Variants in ZNF469 observed in about 807,000 individuals in gnomAD.
ZNF469 encodes zinc finger protein 469.
Under a neutral mutation model 1.0 loss-of-function variants are expected in ZNF469, and 1 was observed. That is an observed-to-expected ratio of 1.00 (90% CI 0.35 to 4.73). The LOEUF (loss-of-function observed/expected upper bound fraction) is 4.73, where lower values mean the gene tolerates loss of function less well. ZNF469 is among the 30% of genes most tolerant of loss of function. The probability of loss-of-function intolerance (pLI) is 0.16; values close to 1 mark genes in which losing one functional copy is unlikely to be tolerated. For synonymous variants in ZNF469, 2,703 were observed against 2,363.4 expected (o/e 1.14, Z -4.17); for missense variants, 6,100 against 5,356.3 (o/e 1.14, Z -4.33).
the ZNF469 span, among the ~76,000 whole-genome samples, chr16:88,376,687 A>G: frequency 6.6e-6 from 1 of 152,224 alleles, no homozygotes; most frequent in Non-Finnish European, 1.5e-5. Context: ...GCAGCTGCCC[A>G]CGGCCCCAGC....
the ZNF469 span, among the ~76,000 whole-genome samples, chr16:88,212,632 G>T: frequency 6.6e-6 from 1 of 152,110 alleles, no homozygotes; most frequent in Non-Finnish European, 1.5e-5. Context: ...CCAGGCTGGA[G>T]TGAGGTGGTG....
chr16:88,363,004 A>G, the ZNF469 span, among the ~76,000 whole-genome samples: 2 of 152,210 alleles, frequency 1.3e-5, no homozygotes, highest in South Asian at 4.2e-4. Context: ...CCATCCAGGA[A>G]ATTTCTCATT....
chr16:88,288,078 C>G, the ZNF469 span, among the ~76,000 whole-genome samples: 1 of 152,104 alleles, frequency 6.6e-6, no homozygotes, highest in African/African-American at 2.4e-5. Flanking sequence ...GTGGAGAAAC[C>G]TTTTTCCTCC....
chr16:88,363,222 C>T, the ZNF469 span, among the ~76,000 whole-genome samples: 8 of 152,192 alleles, frequency 5.3e-5, no homozygotes, highest in Non-Finnish European at 7.3e-5. Context: ...TGTCTTTGCA[C>T]TTGAGAAAGT....
the ZNF469 span, among the ~76,000 whole-genome samples, chr16:88,211,996 A>G: frequency 6.6e-6 from 1 of 152,170 alleles, no homozygotes; most frequent in Non-Finnish European, 1.5e-5. Flanking sequence ...TATTTGTGGA[A>G]CAGCTGGTCT....
Position 88,436,687 on chromosome 16 carries a change from C to T in ZNF469, c.9217C>T (p.Pro3073Ser), listed in dbSNP as rs1265831949. The T allele has an allele frequency of 6.5e-7, 1 of 1,550,152 alleles. No homozygotes were observed. Among genetic ancestry groups the T allele is most frequent in the East Asian group, 2.4e-5 (1 of 40,922 alleles). The change falls in exon 3 of 3, where the codon CCC (proline) becomes TCC (serine). Residue 3073 changes from proline (P) to serine (S), a missense_variant. By Grantham distance (74) the Pro-to-Ser change is moderately conservative. Coordinates refer to ENST00000565624, the MANE Select transcript of ZNF469 (RefSeq NM_001367624.2). Reference sequence around the variant, plus strand: ...TGAAGACCCCGTGGGTCTCCCCGGCCCCAGCTTCTTAGACTTCGAGGGCAC... The same window carrying T: ...TGAAGACCCCGTGGGTCTCCCCGGCTCCAGCTTCTTAGACTTCGAGGGCAC... ...PFEDPVGLPG[P>S]SFLDFEGTAS...
chr16:88,180,601 G>T, the ZNF469 span, among the ~76,000 whole-genome samples: 1 of 152,044 alleles, frequency 6.6e-6, no homozygotes, highest in Non-Finnish European at 1.5e-5. Context: ...GTGAAACCCT[G>T]TCTCTACTAA....
chr16:88,143,934 C>T, the ZNF469 span, among the ~76,000 whole-genome samples: 3 of 152,320 alleles, frequency 2.0e-5, no homozygotes, highest in East Asian at 1.9e-4. Context: ...GCAAGGACAC[C>T]GAGAGCCCCT....
chr16:88,172,948 C>G, the ZNF469 span, among the ~76,000 whole-genome samples: 2 of 152,160 alleles, frequency 1.3e-5, no homozygotes, highest in African/African-American at 4.8e-5. Flanking sequence ...AAAACAAAAA[C>G]AAAAACAGGA....
At chr16:88,130,243 G>A in the ZNF469 span, among the ~76,000 whole-genome samples, 2 of 152,128 alleles carry the variant, frequency 1.3e-5, no homozygotes, top group African/African-American at 2.4e-5. Flanking sequence ...AGCCGGGGTC[G>A]AGGCCATCTG....
chr16:88,137,686 T>G, the ZNF469 span, among the ~76,000 whole-genome samples: 3 of 152,254 alleles, frequency 2.0e-5, no homozygotes, highest in Non-Finnish European at 4.4e-5. Flanking sequence ...TGTGTATAAC[T>G]ATGCTATGAG....
the ZNF469 span, among the ~76,000 whole-genome samples, chr16:88,165,953 C>A: frequency 6.6e-6 from 1 of 152,172 alleles, no homozygotes; most frequent in African/African-American, 2.4e-5. Context: ...AATCTCCTTC[C>A]CTTTTGAGGC....
the ZNF469 span, among the ~76,000 whole-genome samples, chr16:88,274,575 G>C: frequency 2.0e-5 from 3 of 152,236 alleles, no homozygotes; most frequent in African/African-American, 7.2e-5. Flanking sequence ...GGCCCCCGGG[G>C]AGGGCAGGCC....
intron 1 of ZNF469, among the ~76,000 whole-genome samples, chr16:88,387,581 C>T (rs1332586379): frequency 6.6e-6 from 1 of 152,228 alleles, no homozygotes; most frequent in Non-Finnish European, 1.5e-5. Context: ...CTGCTCAGTA[C>T]TCACCCCAGC....
the ZNF469 span, among the ~76,000 whole-genome samples, chr16:88,245,380 C>T: frequency 4.6e-5 from 7 of 152,260 alleles, no homozygotes; most frequent in Non-Finnish European, 8.8e-5. Context: ...GGCTCCAGAA[C>T]AGTTGGAGAG....
the ZNF469 span, among the ~76,000 whole-genome samples, chr16:88,123,523 T>G: frequency 1.6e-4 from 24 of 152,248 alleles, no homozygotes; most frequent in South Asian, 2.5e-3. Flanking sequence ...GCCGTGGATA[T>G]TAACAGCAAG....
chr16:88,158,520 A>T, the ZNF469 span, among the ~76,000 whole-genome samples: 1 of 151,658 alleles, frequency 6.6e-6, no homozygotes, highest in African/African-American at 2.4e-5. Context: ...ACTTGGGCAC[A>T]TGCCTGCCTC....
At chr16:88,416,665 T>C (rs1453310486) in intron 1 of ZNF469, among the ~76,000 whole-genome samples, 2 of 152,188 alleles carry the variant, frequency 1.3e-5, no homozygotes, top group Non-Finnish European at 2.9e-5. Flanking sequence ...GGAAAATAAC[T>C]AGGGTTTCTA....
At chr16:88,293,077 C>G in the ZNF469 span, among the ~76,000 whole-genome samples, 3 of 152,172 alleles carry the variant, frequency 2.0e-5, no homozygotes, top group African/African-American at 4.8e-5. Flanking sequence ...AAACTGAGGC[C>G]TGTGGATGGT....
Sources: gnomAD v4.1 joint callset for allele counts (sites outside exome capture counted in the v4.1 genomes callset) on GRCh38, gnomAD v4.1.1 for gene constraint, MANE v1.5 for transcripts, NCBI Gene and HGNC (gene_info 2026-07-23, HGNC 2026-07-21) for gene names.